COL5A3: variants seen among roughly 807,000 people sequenced by gnomAD.
COL5A3 encodes collagen type V alpha 3 chain.
COL5A3 carries 172 observed loss-of-function variants against 250.0 expected under a neutral mutation model. That is an observed-to-expected ratio of 0.69 (90% confidence interval 0.61 to 0.78). The LOEUF (loss-of-function observed/expected upper bound fraction) is 0.78, where lower values mean the gene tolerates loss of function less well. COL5A3 is among the 30% of genes least tolerant of loss of function. The pLI is 0.00. For synonymous variants in COL5A3, 937 were observed against 900.4 expected (o/e 1.04, Z -0.73); for missense variants, 2,340 against 2,334.4 (o/e 1.00, Z -0.05).
intron 6 of COL5A3, among the ~76,000 whole-genome samples, chr19:10,002,937 C>G (rs1032865801): frequency 1.3e-5 from 2 of 152,140 alleles, no homozygotes; most frequent in African/African-American, 4.8e-5. Context: ...AACAACCCCC[C>G]AGTCATTGAC....
intron 8 of COL5A3, among the ~76,000 whole-genome samples, chr19:9,998,818 G>A (rs1026571101): frequency 3.3e-5 from 5 of 151,870 alleles, no homozygotes; most frequent in African/African-American, 1.2e-4. Context: ...CCCAGTAGCT[G>A]GGACTACAGG....
At chr19:9,997,128 G>A (rs2087285100) in intron 11 of COL5A3, 5 of 586,004 alleles carry the variant, frequency 8.5e-6, no homozygotes, top group Non-Finnish European at 1.5e-5. Context: ...GAGAAAGACA[G>A]AGATAAAAGA....
chr19:9,963,545 C>T (rs903147246), intron 64 of COL5A3, among the ~76,000 whole-genome samples: 21 of 110,280 alleles, frequency 1.9e-4, no homozygotes, highest in African/African-American at 7.9e-4. Context: ...GAGTGTGCCA[C>T]CATGCCTGTT....
At chr19:9,995,535 G>A in intron 16 of COL5A3, 29 bp downstream of exon 16, 1 of 1,597,566 alleles carries the variant, frequency 6.3e-7, no homozygotes, top group Non-Finnish European at 8.5e-7. Flanking sequence ...ATGGATAAGG[G>A]GTGGTCTGGG....
Position 10,010,305 on chromosome 19 carries a change from C to T in COL5A3, c.81G>A (p.Thr27=), listed in dbSNP as rs1327245233. 15 of 1,446,740 alleles carry T rather than the reference C, an allele frequency of 1.0e-5. No homozygotes were observed. The highest frequency in any genetic ancestry group is 2.9e-5 in the South Asian group (2 of 68,756). The allele number at this position is 1,446,740 out of a possible 1,614,324, so 89.6% of individuals were successfully genotyped here. ...LLAALQLLPG[T]QADPVDVLKA... is the part of the protein sequence containing the mutation. ...TCTTCCCTCCCGGCTCACCGGCCTG[C>T]GTCCCCGGCAGAAGCTGCAGCGCGG... Residue 27 remains threonine (T), a synonymous_variant, in exon 1 of 67, where the codon ACG becomes ACA. Coordinates refer to ENST00000264828, the MANE Select transcript of COL5A3 (RefSeq NM_015719.4).
chr19:9,983,525 G>T (rs115911761), intron 31 of COL5A3, among the ~76,000 whole-genome samples: 13,109 of 97,998 alleles, frequency 0.13, 867 homozygotes, highest in South Asian at 0.3. Flanking sequence ...CAAGCAAAAA[G>T]AAAGAAGAAA....
chr19:9,969,948 G>GT (rs766788702), intron 54 of COL5A3, 26 bp from the exon 55 acceptor site: 5 of 1,610,772 alleles, frequency 3.1e-6, no homozygotes, highest in East Asian at 2.2e-5. Flanking sequence ...CAGTGAGGGG[G>GT]GTCTAGGGGC....
At chr19:9,994,529 T>C (rs1260755551) in intron 16 of COL5A3, among the ~76,000 whole-genome samples, 5 of 138,620 alleles carry the variant, frequency 3.6e-5, no homozygotes, top group Non-Finnish European at 1.5e-5. Flanking sequence ...CTTGCTCTGT[T>C]GCCCAGGCTG....
At chr19:9,961,679 C>T (rs1358035067) in intron 65 of COL5A3, among the ~76,000 whole-genome samples, 1 of 151,928 alleles carries the variant, frequency 6.6e-6, no homozygotes, top group African/African-American at 2.4e-5. Context: ...CTGCCTCAGC[C>T]TCCCAAGTAA....
In COL5A3 at chr19:9,995,625, A is replaced by G. The variant is rs2145127232; in HGVS notation, c.1534-8T>C. ...CTGCAGGCCTCGGGGACCCTAGAAGAAAGCAAAAAGGAGGAAGGAAAGGAA... is the reference window on the plus strand; with the variant it reads ...CTGCAGGCCTCGGGGACCCTAGAAGGAAGCAAAAAGGAGGAAGGAAAGGAA... On this transcript the variant is annotated splice_polypyrimidine_tract_variant and splice_region_variant and intron_variant, in intron 15 of 66. Transcript: ENST00000264828. 2 of 1,574,660 alleles carry G rather than the reference A, an allele frequency of 1.3e-6. No homozygotes were observed. Among genetic ancestry groups the G allele is most frequent in the Middle Eastern group, 1.7e-4 (1 of 5,872 alleles).
At chr19:9,978,308 C>T (rs1047285182) in intron 41 of COL5A3, among the ~76,000 whole-genome samples, 1 of 152,128 alleles carries the variant, frequency 6.6e-6, no homozygotes, top group Admixed American at 6.5e-5. Flanking sequence ...ATTGCAACCT[C>T]CACCTCCCAG....
intron 27 of COL5A3, among the ~76,000 whole-genome samples, chr19:9,988,833 C>CAAAAAAA (rs67181648): frequency 1.8e-4 from 7 of 39,400 alleles, no homozygotes; most frequent in African/African-American, 3.6e-4. Flanking sequence ...GACTCTGTCT[C>CAAAAAAA]AAAAAAAAAA....
At chr19:9,972,664 C>A (rs559830164) in intron 51 of COL5A3, among the ~76,000 whole-genome samples, 1 of 151,360 alleles carries the variant, frequency 6.6e-6, no homozygotes, top group African/African-American at 2.4e-5. Context: ...AGTGAACACC[C>A]ATCTCTACTA....
At chr19:9,983,626 GAAAGA>G in intron 31 of COL5A3, among the ~76,000 whole-genome samples, 1 of 119,288 alleles carries the variant, frequency 8.4e-6, no homozygotes, top group South Asian at 2.6e-4. Context: ...GAGAAAGAAA[GAAAGA>G]AGAGAGAGAG....
Position 9,996,701 on chromosome 19 carries a change from A to G in COL5A3, c.1264-12T>C, listed in dbSNP as rs748770269. On this transcript the variant is annotated splice_polypyrimidine_tract_variant and intron_variant, in intron 11 of 66. Coordinates refer to ENST00000264828, the MANE Select transcript of COL5A3 (RefSeq NM_015719.4). ...AGGCCAGCAGGGCCCTGAGAGAGGGATGGGGGAAGAGAGGTGGAGACAGGG... is the reference window on the plus strand; with the variant it reads ...AGGCCAGCAGGGCCCTGAGAGAGGGGTGGGGGAAGAGAGGTGGAGACAGGG... The G allele has an allele frequency of 2.5e-6, 4 of 1,594,942 alleles. No homozygotes were observed. In the South Asian group the frequency reaches 4.5e-5, roughly 18 times the overall value.
chr19:9,979,515 T>C, intron 37 of COL5A3, 98 bp from the exon 38 acceptor site: 1 of 1,326,934 alleles, frequency 7.5e-7, no homozygotes, highest in Non-Finnish European at 1.1e-6. Flanking sequence ...ATCTGGCCGG[T>C]CCGGTGGCTC....
Position 9,972,920 on chromosome 19 carries a change from A to G in COL5A3, c.3773T>C (p.Val1258Ala), listed in dbSNP as rs767456448. Residue 1258 changes from valine to alanine, a missense_variant and splice_region_variant, in exon 51 of 67, where the codon GTG (valine) becomes GCG (alanine). Val to Ala is a moderately conservative substitution (Grantham distance 64). Coordinates refer to ENST00000264828, the MANE Select transcript of COL5A3 (RefSeq NM_015719.4). Reference protein sequence around the residue: ...PPGEDGAKGSVGPTGLPGDLG... With the variant: ...PPGEDGAKGSAGPTGLPGDLG... ...CCCCCACTTCCCCCCAGGACTCACC[A>G]CGCTCCCTTTGGCTCCATCCTCTCC... 6.2e-7 allele frequency: 1 copy of G among 1,603,352 alleles called. No individual in the cohort carries two copies. The highest frequency in any genetic ancestry group is 8.5e-7 in the Non-Finnish European group (1 of 1,175,328).
chr19:9,970,447 A>AATGGGAGCT (rs2086825519), intron 54 of COL5A3, among the ~76,000 whole-genome samples, 175 bp downstream of exon 54: 1 of 26,514 alleles, frequency 3.8e-5, no homozygotes, highest in Admixed American at 5.6e-4. Context: ...TCTGTGGGTG[A>AATGGGAGCT]GTGGGGTCTG....
intron 11 of COL5A3, 121 bp downstream of exon 11, chr19:9,997,250 G>A (rs2087286251): frequency 2.6e-6 from 2 of 769,940 alleles, no homozygotes; most frequent in Non-Finnish European, 4.6e-6. Flanking sequence ...GAAGAGGTCA[G>A]TGCCAGCCCC....
Sources: gnomAD v4.1 joint callset for allele counts (sites outside exome capture counted in the v4.1 genomes callset) on GRCh38, gnomAD v4.1.1 for gene constraint, MANE v1.5 for transcripts, NCBI Gene and HGNC (gene_info 2026-07-23, HGNC 2026-07-21) for gene names.